VWA2: variants seen among roughly 807,000 people sequenced by gnomAD.
VWA2 encodes von Willebrand factor A domain-containing protein 2.
A neutral mutation model predicts 70.4 loss-of-function variants in VWA2; 73 were observed. The observed-to-expected ratio is 1.04, with a 90% CI of 0.86 to 1.26. The LOEUF (loss-of-function observed/expected upper bound fraction) is 1.26, where lower values mean the gene tolerates loss of function less well. Among genes scored for constraint, VWA2 ranks in the 50% most tolerant of loss-of-function variants. The pLI, the probability that VWA2 is intolerant of heterozygous loss-of-function variation, is 0.00. For synonymous variants in VWA2, 407 were observed against 423.3 expected, an observed-to-expected ratio of 0.96 and a Z score of 0.47; for missense variants, 1,011 against 998.5, an observed-to-expected ratio of 1.01 and a Z score of -0.17.
At chr10:114,249,790 G>A (rs72823066) in intron 2 of VWA2, among the ~76,000 whole-genome samples, 8,782 of 152,180 alleles carry the variant, frequency 0.058, 354 homozygotes, top group Non-Finnish European at 0.087. Flanking sequence ...ATTTCAAAAT[G>A]CAAATTGGAT....
intron 5 of VWA2, among the ~76,000 whole-genome samples, chr10:114,269,471 C>T (rs1264649900): frequency 6.6e-6 from 1 of 152,104 alleles, no homozygotes; most frequent in African/African-American, 2.4e-5. Flanking sequence ...GTCCCAGCTA[C>T]TCGGGAGGCT....
chr10:114,248,654 T>C, intron 1 of VWA2, 50 bp from the exon 2 acceptor site: 3 of 1,533,900 alleles, frequency 2.0e-6, no homozygotes, highest in Non-Finnish European at 2.7e-6. Flanking sequence ...ACTTGGGGCG[T>C]TCACAGAACT....
In VWA2 at chr10:114,286,254, C is replaced by T. The variant is rs964512091; in HGVS notation, c.1313C>T (p.Thr438Ile). The change falls in exon 11 of 14, where the codon ACC becomes ATC. Residue 438 changes from threonine to isoleucine, a missense_variant. Transcript: ENST00000392982. ...GCAGAGCGTGGCTTCGGGAGCGCCA[C>T]CAGGACAGGCCAGGACCGGCCACGT... The part of the protein sequence containing the change: ...QAAERGFGSA[T>I]RTGQDRPRRV... 1 of 1,610,244 alleles carries T rather than the reference C, an allele frequency of 6.2e-7. No individual in the cohort carries two copies. The highest frequency in any genetic ancestry group is 1.3e-5 in the African/African-American group (1 of 74,900).
chr10:114,289,467 G>T lies in VWA2; in HGVS notation c.2100G>T (p.Val700=). Residue 700 remains valine, a synonymous_variant, in exon 12 of 14, where the codon GTG becomes GTT. Transcript: ENST00000392982. The stretch of plus-strand genomic sequence containing the variant: ...CCGACCTGCGGTACCACCAGGACGT[G>T]CTCATTGAGTGGCTGTGTGGAGGTG... ...AYADLRYHQD[V]LIEWLCGEAK... 6.2e-7 allele frequency: 1 copy of T among 1,614,220 alleles called. No homozygotes were observed. Among genetic ancestry groups the T allele is most frequent in the Non-Finnish European group, 8.5e-7 (1 of 1,180,034 alleles).
At chr10:114,250,652 G>A (rs1319753917) in intron 2 of VWA2, among the ~76,000 whole-genome samples, 1 of 152,264 alleles carries the variant, frequency 6.6e-6, no homozygotes, top group Non-Finnish European at 1.5e-5. Flanking sequence ...GCTGGTGGAA[G>A]TTGAGGGCTG....
chr10:114,279,967 G>A (rs938199120), intron 8 of VWA2, among the ~76,000 whole-genome samples: 1 of 152,238 alleles, frequency 6.6e-6, no homozygotes, highest in African/African-American at 2.4e-5. Context: ...GGCTGGAAGA[G>A]GCTGGTGGCT....
chr10:114,287,558 G>A (rs919968351), intron 11 of VWA2, among the ~76,000 whole-genome samples: 3 of 152,088 alleles, frequency 2.0e-5, no homozygotes, highest in Admixed American at 2.0e-4. Flanking sequence ...CAGCCCTGAT[G>A]CCACCACTCT....
chr10:114,278,599 C>T lies in VWA2; in HGVS notation c.701-120C>T, dbSNP rs546659041. 1.8e-4 allele frequency: 264 copies of T among 1,452,186 alleles called. 1 individual carries two copies. In the South Asian group the frequency reaches 3.3e-3, roughly 18 times the overall value. The allele number at this position is 1,452,186 out of a possible 1,614,324, so 90.0% of individuals were successfully genotyped here. A position where few individuals can be genotyped will look rare whatever the true frequency, so the allele number is the denominator to read the frequency against. Reference sequence around the variant, plus strand: ...CCTGACCTGAGAGAGCAGAAAGTGGCCAGCCTGGAAGTGTGGTGGAACCTC... The same window carrying T: ...CCTGACCTGAGAGAGCAGAAAGTGGTCAGCCTGGAAGTGTGGTGGAACCTC... On this transcript the variant is annotated intron_variant, in intron 7 of 13. Transcript: ENST00000392982.
At position 114,246,516 on chromosome 10, in the gene VWA2, A is replaced by C. The variant is rs904158786; in HGVS notation, c.-10-2188A>C. On this transcript the variant is annotated intron_variant, in intron 1 of 13. Coordinates refer to ENST00000392982, the MANE Select transcript of VWA2 (RefSeq NM_001272046.2). ...AAGAAACTCCATCTCAAAAAAAAAA[A>C]AAAAAAAAACGAGTATCATGGGTTG... 5.1e-6 allele frequency: 4 copies of C among 786,476 alleles called. No individual in the cohort carries two copies. The African/African-American group carries it at 5.4e-5, about 11-fold the overall frequency. The allele number at this position is 786,476 out of a possible 1,614,324, so 48.7% of individuals were successfully genotyped here. A position where few individuals can be genotyped will look rare whatever the true frequency, so the allele number is the denominator to read the frequency against.
intron 6 of VWA2, among the ~76,000 whole-genome samples, chr10:114,276,169 A>T (rs1236012173): frequency 6.6e-6 from 1 of 152,030 alleles, no homozygotes; most frequent in Non-Finnish European, 1.5e-5. Context: ...ATTCCTTGGG[A>T]GGGGGATGGC....
intron 2 of VWA2, among the ~76,000 whole-genome samples, chr10:114,252,425 A>G (rs987505455): frequency 6.6e-6 from 1 of 152,076 alleles, no homozygotes; most frequent in African/African-American, 2.4e-5. Context: ...TTTAGTTTGC[A>G]TGGGGGACTA....
At chr10:114,280,924 A>G (rs1424676279) in intron 8 of VWA2, 1 of 151,830 alleles carries the variant, frequency 6.6e-6, no homozygotes, top group African/African-American at 2.4e-5. Context: ...ATTTTTTTTT[A>G]TAGATGGGGT....
At position 114,286,501 on chromosome 10, in the gene VWA2, G is replaced by T. The variant is rs773129369; in HGVS notation, c.1560G>T (p.Arg520=). ...IPELQGKLCS[R]QRPGCRTQAL... is the part of the protein sequence containing the mutation. ...AGCTGCAGGGGAAGCTGTGCAGCCG[G>T]CAGCGGCCAGGTAAGGTCCCAGTGC... The change falls in exon 11 of 14, where the codon CGG becomes CGT. Residue 520 remains arginine (R), a synonymous_variant. Transcript: ENST00000392982. 1 of 1,568,698 alleles carries T rather than the reference G, an allele frequency of 6.4e-7. No individual in the cohort carries two copies. The highest frequency in any genetic ancestry group is 8.7e-7 in the Non-Finnish European group (1 of 1,154,138).
At chr10:114,278,572 GC>G in intron 7 of VWA2, 146 bp from the exon 8 acceptor site, 1 of 1,161,262 alleles carries the variant, frequency 8.6e-7, no homozygotes, top group Non-Finnish European at 1.2e-6. Context: ...CCAGAGATAT[GC>G]CCTGACCTGA....
chr10:114,246,930 A>G (rs1163768295), intron 1 of VWA2, among the ~76,000 whole-genome samples: 3 of 152,208 alleles, frequency 2.0e-5, no homozygotes, highest in African/African-American at 7.2e-5. Flanking sequence ...AGTAGCCACA[A>G]GAATTGTGCT....
chr10:114,242,641 G>T (rs956382429), intron 1 of VWA2, among the ~76,000 whole-genome samples: 4 of 151,538 alleles, frequency 2.6e-5, no homozygotes, highest in African/African-American at 9.7e-5. Flanking sequence ...TGTGTACCGC[G>T]TACTTCTGGT....
chr10:114,282,705 G>C (rs574646796), intron 9 of VWA2, 134 bp downstream of exon 9: 239 of 719,112 alleles, frequency 3.3e-4, no homozygotes, highest in Non-Finnish European at 4.9e-4. Flanking sequence ...GGGGCACTTG[G>C]GGGGCAGAGG....
chr10:114,253,383 CAG>C (rs1176878470), intron 2 of VWA2, among the ~76,000 whole-genome samples: 1 of 111,558 alleles, frequency 9.0e-6, no homozygotes, highest in East Asian at 2.7e-4. Flanking sequence ...TTCAGAATCA[CAG>C]ACTCTCTAGA....
rs1464603137 is a variant in VWA2 at position 114,290,354 on chromosome 10, A to G, written c.2237A>G (p.His746Arg). Residue 746 changes from histidine (H) to arginine (R), a missense_variant, in exon 13 of 14, where the codon CAC (histidine) becomes CGC (arginine). By Grantham distance (29) the His-to-Arg change is conservative. Transcript: ENST00000392982. ...TGTCGGGATGGCTGGGAGGGCCCCC[A>G]CTGCGAGAACCGTGAGTGGAGCTCT... ...CKCRDGWEGP[H>R]CENRFLRRP 6.4e-7 allele frequency: 1 copy of G among 1,550,516 alleles called. No homozygotes were observed. The highest frequency in any genetic ancestry group is 8.7e-7 in the Non-Finnish European group (1 of 1,146,946).
Sources: allele counts gnomAD v4.1 joint callset (sites outside exome capture counted in the v4.1 genomes callset), GRCh38; gene constraint gnomAD v4.1.1; transcripts MANE v1.5; gene names NCBI Gene and HGNC (gene_info 2026-07-23, HGNC 2026-07-21).